The following EIF2AK3 variants were observed in gnomAD, a reference collection of about 807,000 sequenced individuals.
EIF2AK3 encodes eukaryotic translation initiation factor 2-alpha kinase 3.
A neutral mutation model predicts 113.5 loss-of-function variants in EIF2AK3; 50 were observed. That is an observed-to-expected ratio of 0.44 (90% CI 0.35 to 0.56). The LOEUF (loss-of-function observed/expected upper bound fraction) is 0.56, where lower values mean the gene tolerates loss of function less well. Ranked by LOEUF, EIF2AK3 falls within the 20% of genes least tolerant of loss-of-function variation. The pLI is 0.00. For synonymous variants in EIF2AK3, 448 were observed against 495.4 expected, an observed-to-expected ratio of 0.90 and a Z score of 1.27; for missense variants, 1,185 against 1,378.0, an observed-to-expected ratio of 0.86 and a Z score of 2.22.
intron 2 of EIF2AK3, among the ~76,000 whole-genome samples, chr2:88,597,812 G>A (rs949111784): frequency 8.5e-5 from 13 of 152,082 alleles, no homozygotes; most frequent in Non-Finnish European, 1.8e-4. Context: ...GAGACACCGT[G>A]ATATCCTCAA....
At chr2:88,575,838 T>C (rs1232621517) in intron 12 of EIF2AK3, among the ~76,000 whole-genome samples, 1 of 152,164 alleles carries the variant, frequency 6.6e-6, no homozygotes, top group Non-Finnish European at 1.5e-5. Context: ...AGTTATTGGT[T>C]GAGTCTATAA....
Position 88,557,430 on chromosome 2 carries a change from A to C in EIF2AK3, c.*306T>G. 2.5e-6 allele frequency: 1 copy of C among 392,406 alleles called. No individual in the cohort carries two copies. The highest frequency in any genetic ancestry group is 4.8e-6 in the Non-Finnish European group (1 of 210,084). The allele number at this position is 392,406 out of a possible 1,614,324, so 24.3% of individuals were successfully genotyped here. A position where few individuals can be genotyped will look rare whatever the true frequency, so the allele number is the denominator to read the frequency against. ...ATATCCATTTTAGTTCTCACTATAT[A>C]TATATATTAGGGATTGCTGCTACCT... On this transcript the variant is annotated 3_prime_UTR_variant, in exon 17 of 17. Coordinates refer to ENST00000303236, the MANE Select transcript of EIF2AK3 (RefSeq NM_004836.7).
chr2:88,570,013 C>T (rs1674253987), intron 14 of EIF2AK3, among the ~76,000 whole-genome samples: 1 of 150,232 alleles, frequency 6.7e-6, no homozygotes, highest in African/African-American at 2.4e-5. Flanking sequence ...AAATGTCACT[C>T]TAATTTTTTT....
At chr2:88,572,008 G>GA (rs1390244006) in intron 13 of EIF2AK3, among the ~76,000 whole-genome samples, 2 of 152,050 alleles carry the variant, frequency 1.3e-5, no homozygotes, top group African/African-American at 4.8e-5. Flanking sequence ...TTGAAATGAG[G>GA]AAAAAGGAAG....
chr2:88,600,991 C>CT (rs1163400908), intron 2 of EIF2AK3, among the ~76,000 whole-genome samples: 2 of 152,216 alleles, frequency 1.3e-5, no homozygotes, highest in Non-Finnish European at 2.9e-5. Flanking sequence ...CCCCATGTAT[C>CT]TATCATCCAG....
chr2:88,606,385 G>A (rs1573416559), intron 2 of EIF2AK3, among the ~76,000 whole-genome samples: 1 of 152,108 alleles, frequency 6.6e-6, no homozygotes, highest in African/African-American at 2.4e-5. Context: ...AATTAGCTTA[G>A]TTCACAGCAC....
chr2:88,558,270 T>A (rs1193094388), intron 16 of EIF2AK3, among the ~76,000 whole-genome samples: 1 of 152,226 alleles, frequency 6.6e-6, no homozygotes, highest in Non-Finnish European at 1.5e-5. Context: ...TAACACATTA[T>A]AAAGGATTAT....
At chr2:88,579,449 G>C (rs868728764) in intron 11 of EIF2AK3, 69 bp downstream of exon 11, 2 of 1,590,118 alleles carry the variant, frequency 1.3e-6, no homozygotes, top group Middle Eastern at 3.3e-4. Flanking sequence ...ACAGTAAGAA[G>C]GATATTTTAC....
chr2:88,584,642 T>C (rs1475063976), intron 9 of EIF2AK3, among the ~76,000 whole-genome samples: 1 of 151,120 alleles, frequency 6.6e-6, no homozygotes, highest in African/African-American at 2.4e-5. Context: ...AGTGTAGACA[T>C]AGGCAGGAAA....
At chr2:88,594,653 T>TTA (rs1674968615) in intron 3 of EIF2AK3, among the ~76,000 whole-genome samples, 1 of 152,164 alleles carries the variant, frequency 6.6e-6, no homozygotes, top group South Asian at 2.1e-4. Flanking sequence ...AAGTTAAATG[T>TTA]GACCCTGGAA....
intron 3 of EIF2AK3, among the ~76,000 whole-genome samples, chr2:88,595,007 A>G (rs1343482780): frequency 1.3e-5 from 2 of 151,808 alleles, no homozygotes; most frequent in South Asian, 2.1e-4. Context: ...CAGCCTGGCA[A>G]TACAGTAAAA....
intron 15 of EIF2AK3, among the ~76,000 whole-genome samples, chr2:88,559,544 A>G (rs11680533): frequency 1.8e-4 from 16 of 91,078 alleles, no homozygotes; most frequent in African/African-American, 5.0e-4. Context: ...GTGTGTGTGT[A>G]TGTACATTTA....
chr2:88,601,834 C>CTTTTTTTTTTTTTATTTTTTTTTT (rs1675155403), intron 2 of EIF2AK3, among the ~76,000 whole-genome samples: 1 of 74,858 alleles, frequency 1.3e-5, no homozygotes, highest in African/African-American at 5.3e-5. Flanking sequence ...TAAGATTTTT[C>CTTTTTTTTTTTTTATTTTTTTTTT]TTTTTTTTTT....
chr2:88,596,949 C>T (rs1019190204), intron 2 of EIF2AK3, among the ~76,000 whole-genome samples: 4 of 152,262 alleles, frequency 2.6e-5, no homozygotes, highest in East Asian at 1.9e-4. Flanking sequence ...ATTTAAAAAA[C>T]GCATAATTTG....
intron 12 of EIF2AK3, among the ~76,000 whole-genome samples, chr2:88,575,781 C>T (rs540742608): frequency 2.6e-4 from 40 of 152,336 alleles, no homozygotes; most frequent in Non-Finnish European, 4.1e-4. Flanking sequence ...CAGCGCCTCA[C>T]AAGGCCTTGA....
intron 2 of EIF2AK3, chr2:88,595,992 G>C: frequency 2.6e-6 from 1 of 390,652 alleles, no homozygotes. Flanking sequence ...ATGATCAAGT[G>C]AGTTCAAGAA....
At chr2:88,600,388 C>T (rs981246107) in intron 2 of EIF2AK3, among the ~76,000 whole-genome samples, 1 of 152,136 alleles carries the variant, frequency 6.6e-6, no homozygotes, top group African/African-American at 2.4e-5. Context: ...ATGTAGGTTA[C>T]GGTGATGCAT....
intron 4 of EIF2AK3, among the ~76,000 whole-genome samples, chr2:88,591,942 A>G (rs751154101): frequency 6.6e-5 from 10 of 152,198 alleles, no homozygotes; most frequent in Non-Finnish European, 1.5e-4. Flanking sequence ...TTGTCTGTAA[A>G]TGCAAAGCCC....
intron 16 of EIF2AK3, among the ~76,000 whole-genome samples, chr2:88,558,311 T>A (rs1214099501): frequency 6.6e-6 from 1 of 152,234 alleles, no homozygotes; most frequent in Non-Finnish European, 1.5e-5. Context: ...TAAATATGAT[T>A]TTTAAAAATC....
Sources: gnomAD v4.1 joint callset for allele counts (sites outside exome capture counted in the v4.1 genomes callset) on GRCh38, gnomAD v4.1.1 for gene constraint, MANE v1.5 for transcripts, NCBI Gene and HGNC (gene_info 2026-07-23, HGNC 2026-07-21) for gene names.